The following NDST3 variants were observed in gnomAD, a reference collection of about 807,000 sequenced individuals.
NDST3 encodes bifunctional heparan sulfate N-deacetylase/N-sulfotransferase 3.
A neutral mutation model predicts 96.1 loss-of-function variants in NDST3; 58 were observed. The observed-to-expected ratio is 0.60, with a 90% CI of 0.49 to 0.75. The LOEUF (loss-of-function observed/expected upper bound fraction) is 0.75, where lower values mean the gene tolerates loss of function less well. Among genes scored for constraint, NDST3 ranks in the 30% least tolerant of loss-of-function variants. NDST3 has a pLI of 0.00. For synonymous variants in NDST3, 333 were observed against 359.7 expected, an observed-to-expected ratio of 0.93 and a Z score of 0.84; for missense variants, 788 against 1,034.2, an observed-to-expected ratio of 0.76 and a Z score of 3.27.
chr4:118,091,098 A>G (rs1186532648), intron 2 of NDST3, among the ~76,000 whole-genome samples: 2 of 151,674 alleles, frequency 1.3e-5, no homozygotes, highest in African/African-American at 4.8e-5. Context: ...ATATGGACAC[A>G]AAGAAGAGAG....
intron 5 of NDST3, among the ~76,000 whole-genome samples, chr4:118,139,242 A>G (rs892019360): frequency 1.3e-5 from 2 of 152,302 alleles, no homozygotes; most frequent in Admixed American, 6.5e-5. Context: ...CTGTGGCTCA[A>G]GCTGCCAGAA....
At chr4:118,234,711 T>A (rs1330175341) in intron 9 of NDST3, among the ~76,000 whole-genome samples, 1 of 151,936 alleles carries the variant, frequency 6.6e-6, no homozygotes, top group Non-Finnish European at 1.5e-5. Flanking sequence ...ATTTTGGTCA[T>A]CATGTGGCTA....
intron 4 of NDST3, among the ~76,000 whole-genome samples, chr4:118,133,165 C>T (rs1454156365): frequency 2.6e-5 from 4 of 152,184 alleles, no homozygotes; most frequent in Non-Finnish European, 4.4e-5. Context: ...GTGTGCTAGA[C>T]TGTCTTTCAA....
intron 1 of NDST3, among the ~76,000 whole-genome samples, chr4:118,039,888 C>T (rs1724349892): frequency 6.6e-6 from 1 of 152,162 alleles, no homozygotes. Context: ...GGGAAGCATA[C>T]CACACAGGGT....
chr4:118,065,746 C>G (rs1176823665), intron 2 of NDST3, among the ~76,000 whole-genome samples: 1 of 151,664 alleles, frequency 6.6e-6, no homozygotes, highest in Non-Finnish European at 1.5e-5. Flanking sequence ...TTTGGAATTT[C>G]TATTCTAACT....
At chr4:118,140,665 A>C (rs1286122000) in intron 5 of NDST3, among the ~76,000 whole-genome samples, 2 of 152,176 alleles carry the variant, frequency 1.3e-5, no homozygotes, top group East Asian at 1.9e-4. Context: ...GAAACTTACA[A>C]TCATGGCAGA....
At chr4:118,156,333 C>G (rs566351905) in intron 6 of NDST3, among the ~76,000 whole-genome samples, 1 of 152,310 alleles carries the variant, frequency 6.6e-6, no homozygotes, top group South Asian at 2.1e-4. Context: ...TAAGGTTTCT[C>G]CTCTGTGTTC....
chr4:118,053,798 T>C lies in NDST3; in HGVS notation c.-113T>C. The C allele has an allele frequency of 5.3e-6, 6 of 1,128,534 alleles. No individual in the cohort carries two copies. Among genetic ancestry groups the C allele is most frequent in the Non-Finnish European group, 6.2e-6 (5 of 800,070 alleles). The allele number at this position is 1,128,534 out of a possible 1,614,324, so 69.9% of individuals were successfully genotyped here. A position where few individuals can be genotyped will look rare whatever the true frequency, so the allele number is the denominator to read the frequency against. ...TCCTGATCAAGTGATACAAATGAGC[T>C]GCAATGGTGACATAAACTCTTGACA... On this transcript the variant is annotated 5_prime_UTR_variant, in exon 2 of 14. Coordinates refer to ENST00000296499, the MANE Select transcript of NDST3 (RefSeq NM_004784.3).
chr4:118,130,636 G>C (rs1164551326), intron 4 of NDST3, among the ~76,000 whole-genome samples: 1 of 152,090 alleles, frequency 6.6e-6, no homozygotes, highest in East Asian at 1.9e-4. Context: ...GTGTTTCTCT[G>C]TGTGCCTACT....
At chr4:118,123,617 T>C (rs548158652) in intron 4 of NDST3, among the ~76,000 whole-genome samples, 4 of 152,128 alleles carry the variant, frequency 2.6e-5, no homozygotes, top group Non-Finnish European at 5.9e-5. Context: ...AATTCAAAAA[T>C]ACCAACCTGG....
chr4:118,040,785 C>T (rs984364013), intron 1 of NDST3, among the ~76,000 whole-genome samples: 1 of 150,262 alleles, frequency 6.7e-6, no homozygotes, highest in Non-Finnish European at 1.5e-5. Context: ...CAGGCTCAAG[C>T]GATCCAACCA....
intron 10 of NDST3, among the ~76,000 whole-genome samples, chr4:118,238,382 T>C (rs1371980716): frequency 6.6e-6 from 1 of 152,148 alleles, no homozygotes; most frequent in Non-Finnish European, 1.5e-5. Context: ...CTAGTAATAA[T>C]ATATATGTCA....
chr4:118,254,748 T>C (rs114593754), intron 13 of NDST3, among the ~76,000 whole-genome samples: 65 of 152,346 alleles, frequency 4.3e-4, no homozygotes, highest in African/African-American at 1.5e-3. Context: ...AACCCTAAGA[T>C]GGTCTGAGGA....
intron 10 of NDST3, among the ~76,000 whole-genome samples, chr4:118,237,828 G>A (rs1195902702): frequency 6.6e-6 from 1 of 152,062 alleles, no homozygotes; most frequent in Non-Finnish European, 1.5e-5. Flanking sequence ...GAATCTTTAG[G>A]CTGGGCGTGG....
At chr4:118,222,272 C>A (rs996431387) in intron 6 of NDST3, among the ~76,000 whole-genome samples, 2 of 151,806 alleles carry the variant, frequency 1.3e-5, no homozygotes, top group African/African-American at 4.8e-5. Flanking sequence ...TGTTATATAT[C>A]TGTTTTTGTC....
At chr4:118,160,518 G>C (rs927885903) in intron 6 of NDST3, among the ~76,000 whole-genome samples, 6 of 151,028 alleles carry the variant, frequency 4.0e-5, no homozygotes, top group Non-Finnish European at 8.8e-5. Context: ...GACATGAACA[G>C]ACACTTTTCA....
At chr4:118,100,677 A>C (rs1729691180) in intron 2 of NDST3, among the ~76,000 whole-genome samples, 1 of 152,120 alleles carries the variant, frequency 6.6e-6, no homozygotes, top group Admixed American at 6.5e-5. Context: ...TTCATGTTGT[A>C]TTCTTGTTGT....
intron 3 of NDST3, among the ~76,000 whole-genome samples, chr4:118,105,429 T>C (rs539394142): frequency 6.6e-6 from 1 of 152,210 alleles, no homozygotes; most frequent in South Asian, 2.1e-4. Flanking sequence ...AGAGAACACT[T>C]CCAAAATCTC....
At chr4:118,152,006 C>T (rs921848216) in intron 6 of NDST3, among the ~76,000 whole-genome samples, 1 of 152,166 alleles carries the variant, frequency 6.6e-6, no homozygotes, top group Non-Finnish European at 1.5e-5. Context: ...ATTTCCAAAA[C>T]TATCCCAGTG....
Sources: allele counts gnomAD v4.1 joint callset (sites outside exome capture counted in the v4.1 genomes callset), GRCh38; gene constraint gnomAD v4.1.1; transcripts MANE v1.5; gene names NCBI Gene and HGNC (gene_info 2026-07-23, HGNC 2026-07-21).